The following TNIK variants were observed in gnomAD, a reference collection of about 807,000 sequenced individuals.
TNIK encodes TRAF2 and NCK interacting kinase, also known as TRAF2 and NCK-interacting protein kinase.
A neutral mutation model predicts 191.3 loss-of-function variants in TNIK; 49 were observed. That is an observed-to-expected ratio of 0.26 (90% CI 0.20 to 0.32). TNIK has a LOEUF of 0.32. Among genes scored for constraint, TNIK ranks in the 10% least tolerant of loss-of-function variants. The pLI, the probability that TNIK is intolerant of heterozygous loss-of-function variation, is 1.00. For missense variants in TNIK, 1,155 were observed against 1,702.3 expected, an observed-to-expected ratio of 0.68 and a Z score of 5.66; for synonymous variants, 594 against 600.9, an observed-to-expected ratio of 0.99 and a Z score of 0.17.
At chr3:171,298,290 G>C (rs928251386) in intron 2 of TNIK, among the ~76,000 whole-genome samples, 1 of 152,180 alleles carries the variant, frequency 6.6e-6, no homozygotes, top group Non-Finnish European at 1.5e-5. Context: ...GGCAATTACA[G>C]TGAAAGCAGT....
chr3:171,387,980 T>A (rs1183881408), intron 1 of TNIK, among the ~76,000 whole-genome samples: 15 of 45,786 alleles, frequency 3.3e-4, no homozygotes, highest in Non-Finnish European at 4.8e-4. Flanking sequence ...GCAAGGAGTG[T>A]GGGGGGAGGG....
intron 2 of TNIK, among the ~76,000 whole-genome samples, chr3:171,240,453 T>C (rs994765147): frequency 6.6e-6 from 1 of 152,024 alleles, no homozygotes; most frequent in Non-Finnish European, 1.5e-5. Context: ...AAGGATTAAA[T>C]TACATGTGTA....
At position 171,315,542 on chromosome 3, in the gene TNIK, G is replaced by T. The variant is rs146498680; in HGVS notation, c.123+54078C>A. Reference sequence around the variant, plus strand: ...TGCCATAATAAACTACCACAAACTGGGCGGCCTAAAATAACAGAAATGCAT... The same window carrying T: ...TGCCATAATAAACTACCACAAACTGTGCGGCCTAAAATAACAGAAATGCAT... On this transcript the variant is annotated intron_variant, in intron 2 of 32. Coordinates refer to ENST00000436636, the MANE Select transcript of TNIK (RefSeq NM_015028.4). Among the ~76,000 whole-genome samples the T allele has an allele frequency of 3.1e-3, 476 of 152,176 alleles. 3 individuals are homozygous for T. Among genetic ancestry groups the T allele is most frequent in the African/African-American group, 0.011 (448 of 41,526 alleles).
chr3:171,325,548 TAATTCTA>T (rs1282831666), intron 2 of TNIK, among the ~76,000 whole-genome samples: 1 of 152,204 alleles, frequency 6.6e-6, no homozygotes, highest in Non-Finnish European at 1.5e-5. Context: ...TGTTCATTCT[TAATTCTA>T]AATTCAACTT....
At chr3:171,077,458 A>G (rs1720114617) in intron 28 of TNIK, among the ~76,000 whole-genome samples, 1 of 152,190 alleles carries the variant, frequency 6.6e-6, no homozygotes, top group South Asian at 2.1e-4. Context: ...TGCCCTCCCC[A>G]ATGTGGGTGG....
intron 3 of TNIK, among the ~76,000 whole-genome samples, chr3:171,227,934 T>C (rs1433690879): frequency 6.6e-6 from 1 of 152,238 alleles, no homozygotes; most frequent in Non-Finnish European, 1.5e-5. Context: ...CATTTTATTA[T>C]AAAATAGGCT....
chr3:171,445,710 A>G (rs1460773241), intron 1 of TNIK, among the ~76,000 whole-genome samples: 1 of 152,196 alleles, frequency 6.6e-6, no homozygotes, highest in African/African-American at 2.4e-5. Context: ...AACAGCAAGA[A>G]GTAGTTAATA....
At chr3:171,426,624 G>A (rs980070150) in intron 1 of TNIK, among the ~76,000 whole-genome samples, 3 of 152,054 alleles carry the variant, frequency 2.0e-5, no homozygotes, top group Admixed American at 6.6e-5. Context: ...GTTTTATTCA[G>A]GTCTACCTTG....
chr3:171,256,919 A>G (rs1353771161), intron 2 of TNIK, among the ~76,000 whole-genome samples: 1 of 152,204 alleles, frequency 6.6e-6, no homozygotes, highest in African/African-American at 2.4e-5. Context: ...GTATAAAAAC[A>G]TCAGGAGCAG....
intron 2 of TNIK, among the ~76,000 whole-genome samples, chr3:171,358,102 C>T (rs983400358): frequency 6.6e-6 from 1 of 151,964 alleles, no homozygotes; most frequent in African/African-American, 2.4e-5. Context: ...ACTGGAGTTT[C>T]CTGTGGGGGA....
chr3:171,339,390 T>C (rs529272798), intron 2 of TNIK, among the ~76,000 whole-genome samples: 1 of 152,396 alleles, frequency 6.6e-6, no homozygotes, highest in African/African-American at 2.4e-5. Flanking sequence ...GCCTCTGCCT[T>C]GTTCCCTTTA....
chr3:171,369,739 C>G, intron 1 of TNIK, 54 bp from the exon 2 acceptor site: 2 of 1,428,688 alleles, frequency 1.4e-6, no homozygotes, highest in South Asian at 2.5e-5. Context: ...CAGGCATTGC[C>G]TTAATCAAAA....
At chr3:171,202,727 C>T (rs1010268163) in intron 4 of TNIK, among the ~76,000 whole-genome samples, 3 of 152,158 alleles carry the variant, frequency 2.0e-5, no homozygotes, top group Admixed American at 2.0e-4. Context: ...TATTAAGTTA[C>T]GTGTAGCTTC....
At chr3:171,227,213 G>A (rs1306739945) in intron 3 of TNIK, among the ~76,000 whole-genome samples, 2 of 152,100 alleles carry the variant, frequency 1.3e-5, no homozygotes, top group East Asian at 1.9e-4. Context: ...TTAGCAAAAG[G>A]ATCGAAAACA....
At chr3:171,298,691 A>G (rs1289300928) in intron 2 of TNIK, among the ~76,000 whole-genome samples, 1 of 152,218 alleles carries the variant, frequency 6.6e-6, no homozygotes, top group Non-Finnish European at 1.5e-5. Flanking sequence ...GTGGAATACA[A>G]CACTACTACC....
At chr3:171,174,089 C>T (rs1257622812) in intron 9 of TNIK, among the ~76,000 whole-genome samples, 1 of 152,194 alleles carries the variant, frequency 6.6e-6, no homozygotes, top group African/African-American at 2.4e-5. Flanking sequence ...CTCTCACTCC[C>T]CTCGCAGGGC....
intron 8 of TNIK, 61 bp downstream of exon 8, chr3:171,177,265 G>A: frequency 1.3e-6 from 2 of 1,546,620 alleles, no homozygotes; most frequent in Admixed American, 2.0e-5. Flanking sequence ...TCCTGGCAAG[G>A]AAACTTCAGT....
intron 2 of TNIK, among the ~76,000 whole-genome samples, chr3:171,368,436 C>T (rs1233191744): frequency 2.0e-5 from 3 of 152,150 alleles, no homozygotes; most frequent in African/African-American, 7.2e-5. Context: ...TATTTAAAAG[C>T]CTTTGCTGAG....
intron 2 of TNIK, among the ~76,000 whole-genome samples, chr3:171,351,712 C>T (rs975449681): frequency 1.3e-5 from 2 of 152,142 alleles, no homozygotes; most frequent in Non-Finnish European, 2.9e-5. Flanking sequence ...GTATTACAGA[C>T]TCTGCATCAT....
Sources: gnomAD v4.1 joint callset for allele counts (sites outside exome capture counted in the v4.1 genomes callset) on GRCh38, gnomAD v4.1.1 for gene constraint, MANE v1.5 for transcripts, NCBI Gene and HGNC (gene_info 2026-07-23, HGNC 2026-07-21) for gene names.